The following PPARD variants were observed in gnomAD, a reference collection of about 807,000 sequenced individuals.
PPARD encodes the protein peroxisome proliferator activated receptor delta.
Under a neutral mutation model 39.5 loss-of-function variants are expected in PPARD, and 6 were observed. That is an observed-to-expected ratio of 0.15 (90% confidence interval 0.08 to 0.30). The LOEUF is 0.30. Ranked by LOEUF, PPARD falls within the 10% of genes least tolerant of loss-of-function variation. PPARD has a pLI of 1.00. For missense variants in PPARD, 397 were observed against 596.8 expected (o/e 0.67, Z 3.49); for synonymous variants, 210 against 231.3 (o/e 0.91, Z 0.83).
chr6:35,378,060 C>T (rs1423735944), intron 2 of PPARD, among the ~76,000 whole-genome samples: 1 of 151,960 alleles, frequency 6.6e-6, no homozygotes, highest in Non-Finnish European at 1.5e-5. Flanking sequence ...GACGGGGTTT[C>T]ACCCTGTTGG....
At chr6:35,386,384 G>A (rs1322693285) in intron 2 of PPARD, among the ~76,000 whole-genome samples, 1 of 148,390 alleles carries the variant, frequency 6.7e-6, no homozygotes, top group East Asian at 2.0e-4. Flanking sequence ...CCAGCTACTT[G>A]GGAGGCTGAG....
intron 2 of PPARD, among the ~76,000 whole-genome samples, chr6:35,374,639 CAG>C (rs1416058152): frequency 2.2e-5 from 3 of 135,216 alleles, no homozygotes; most frequent in East Asian, 2.1e-4. Context: ...GCCTGGGCGA[CAG>C]AGCGAGACTC....
intron 2 of PPARD, among the ~76,000 whole-genome samples, chr6:35,369,829 C>T (rs1762390113): frequency 6.6e-6 from 1 of 152,184 alleles, no homozygotes; most frequent in Non-Finnish European, 1.5e-5. Context: ...GGTTAATTGT[C>T]CGAATCTGTG....
intron 2 of PPARD, among the ~76,000 whole-genome samples, chr6:35,356,817 A>T (rs1292352152): frequency 6.6e-6 from 1 of 152,222 alleles, no homozygotes; most frequent in African/African-American, 2.4e-5. Context: ...AGCTGGGTCC[A>T]CTGGCGAACC....
chr6:35,392,562 T>A (rs1279249053), intron 2 of PPARD, among the ~76,000 whole-genome samples: 1 of 152,050 alleles, frequency 6.6e-6, no homozygotes, highest in Non-Finnish European at 1.5e-5. Context: ...TCAGCCTGCC[T>A]GGGTTCCTCG....
At chr6:35,417,315 T>A (rs1765836830) in intron 3 of PPARD, among the ~76,000 whole-genome samples, 1 of 152,032 alleles carries the variant, frequency 6.6e-6, no homozygotes, top group South Asian at 2.1e-4. Flanking sequence ...TTTGTTTTTT[T>A]TAAGTAGAGA....
chr6:35,403,798 G>T (rs1305890150), intron 2 of PPARD, among the ~76,000 whole-genome samples: 1 of 151,788 alleles, frequency 6.6e-6, no homozygotes, highest in Non-Finnish European at 1.5e-5. Context: ...GGTGCAGACA[G>T]GTCGCGAAGG....
Position 35,425,887 on chromosome 6 carries a change from G to A in PPARD, c.1134G>A (p.Leu378=), listed in dbSNP as rs759906909. ...TGGAGGCTATCCAGGACACCATCCTGCGTGCCCTCGAATTCCACCTGCAGG... is the reference window on the plus strand; with the variant it reads ...TGGAGGCTATCCAGGACACCATCCTACGTGCCCTCGAATTCCACCTGCAGG... The part of the protein sequence containing the change: ...PRVEAIQDTI[L]RALEFHLQAN... Residue 378 remains leucine (L), a synonymous_variant, in exon 8 of 8, where the codon CTG becomes CTA. Coordinates refer to ENST00000360694, the MANE Select transcript of PPARD (RefSeq NM_006238.5). This position sits in a 1 kb window ranked among gnomAD's most constrained non-coding sequence, Gnocchi z 4.5. 2.5e-6 allele frequency: 4 copies of A among 1,614,120 alleles called. No homozygotes were observed. Among genetic ancestry groups the A allele is most frequent in the Non-Finnish European group, 3.4e-6 (4 of 1,180,024 alleles).
chr6:35,362,524 G>T (rs1761982432), intron 2 of PPARD, among the ~76,000 whole-genome samples: 1 of 151,894 alleles, frequency 6.6e-6, no homozygotes, highest in African/African-American at 2.4e-5. Context: ...TGGCTTTTAG[G>T]GATGAATCTC....
At chr6:35,352,086 C>G (rs1166495181) in intron 2 of PPARD, among the ~76,000 whole-genome samples, 4 of 151,858 alleles carry the variant, frequency 2.6e-5, no homozygotes, top group African/African-American at 7.3e-5. Flanking sequence ...CCAGGCTGGT[C>G]TCAAACTCCT....
chr6:35,386,315 A>ATTT (rs751089075), intron 2 of PPARD, among the ~76,000 whole-genome samples: 17 of 120,414 alleles, frequency 1.4e-4, no homozygotes, highest in South Asian at 2.9e-4. Flanking sequence ...CACCTCTACA[A>ATTT]TTTTTTTTTT....
intron 2 of PPARD, among the ~76,000 whole-genome samples, chr6:35,386,127 A>G (rs757362007): frequency 5.9e-5 from 9 of 152,110 alleles, no homozygotes; most frequent in Admixed American, 1.3e-4. Flanking sequence ...GGCCTCTTAG[A>G]TGGCGGGGCG....
chr6:35,405,002 C>CGTGTGTGTGTGTGT (rs1764944078), intron 2 of PPARD, among the ~76,000 whole-genome samples: 3 of 134,892 alleles, frequency 2.2e-5, no homozygotes, highest in African/African-American at 1.0e-4. Context: ...TGTGTGTGTA[C>CGTGTGTGTGTGTGT]ACACATACAT....
intron 2 of PPARD, among the ~76,000 whole-genome samples, chr6:35,355,444 T>TG (rs1379472296): frequency 6.7e-6 from 1 of 150,082 alleles, no homozygotes; most frequent in Non-Finnish European, 1.5e-5. Flanking sequence ...TCCTACTCCT[T>TG]GGGGGGCTGA....
chr6:35,349,258 C>T (rs950516770), intron 2 of PPARD, among the ~76,000 whole-genome samples: 34 of 152,092 alleles, frequency 2.2e-4, no homozygotes, highest in African/African-American at 8.0e-4. Context: ...ATCTCCTGAC[C>T]TCGTGATCCA....
intron 2 of PPARD, among the ~76,000 whole-genome samples, chr6:35,351,225 C>T (rs959441166): frequency 1.3e-5 from 2 of 151,892 alleles, no homozygotes; most frequent in Non-Finnish European, 2.9e-5. Flanking sequence ...CGGGGTTTCA[C>T]CATGTTAGCC....
Position 35,348,295 on chromosome 6 carries a change from G to T in PPARD, c.-102+1145G>T. On this transcript the variant is annotated intron_variant, in intron 2 of 7. Coordinates refer to ENST00000360694, the MANE Select transcript of PPARD (RefSeq NM_006238.5). ...AACAGATCCAATCTCTGCCTCATGGGTCTGTGGTTTGCTGGTATATATGAG... is the reference window on the plus strand; with the variant it reads ...AACAGATCCAATCTCTGCCTCATGGTTCTGTGGTTTGCTGGTATATATGAG... 8.6e-6 allele frequency: 8 copies of T among 933,000 alleles called. No individual in the cohort carries two copies. The South Asian group carries it at 2.0e-4, about 23-fold the overall frequency. 57.8% of individuals were successfully genotyped at this position (933,000 alleles called of 1,614,324 possible).
intron 2 of PPARD, among the ~76,000 whole-genome samples, chr6:35,376,636 G>C (rs1342090953): frequency 6.6e-6 from 1 of 152,126 alleles, no homozygotes; most frequent in Non-Finnish European, 1.5e-5. Context: ...CTCAGTTTTT[G>C]TTCACTGCTT....
intron 3 of PPARD, among the ~76,000 whole-genome samples, chr6:35,416,277 G>A (rs1765758224): frequency 6.6e-6 from 1 of 151,076 alleles, no homozygotes; most frequent in Non-Finnish European, 1.5e-5. Flanking sequence ...GGGGGGCTGA[G>A]GCAGGAGAAT....
Sources: gnomAD v4.1 joint callset for allele counts (sites outside exome capture counted in the v4.1 genomes callset) on GRCh38, gnomAD v4.1.1 for gene constraint, Gnocchi (gnomAD v3.1) non-coding constraint, MANE v1.5 for transcripts, NCBI Gene and HGNC (gene_info 2026-07-23, HGNC 2026-07-21) for gene names.